TMEM45B: variants seen among roughly 807,000 people sequenced by gnomAD.
TMEM45B encodes the protein transmembrane protein 45B.
Under a neutral mutation model 27.3 loss-of-function variants are expected in TMEM45B, and 29 were observed. That is an observed-to-expected ratio of 1.06 (90% CI 0.79 to 1.45). The LOEUF (loss-of-function observed/expected upper bound fraction) is 1.45. TMEM45B is among the 40% of genes most tolerant of loss of function. The pLI is 0.00. For synonymous variants in TMEM45B, 143 were observed against 134.7 expected (o/e 1.06, Z -0.43); for missense variants, 348 against 343.9 (o/e 1.01, Z -0.09).
At chr11:129,837,781 T>TC (rs1947642289) in intron 1 of TMEM45B, among the ~76,000 whole-genome samples, 2 of 136,688 alleles carry the variant, frequency 1.5e-5, no homozygotes, top group African/African-American at 2.7e-5. Flanking sequence ...TAGTTTCTTT[T>TC]TTTTTTTTTT....
intron 4 of TMEM45B, among the ~76,000 whole-genome samples, chr11:129,856,273 G>A (rs1273943135): frequency 6.6e-6 from 1 of 152,106 alleles, no homozygotes; most frequent in South Asian, 2.1e-4. Flanking sequence ...ATGCAGTGGC[G>A]CAATCTTGGC....
chr11:129,823,147 T>C (rs1228160322), intron 1 of TMEM45B, among the ~76,000 whole-genome samples: 2 of 152,068 alleles, frequency 1.3e-5, no homozygotes, highest in Non-Finnish European at 2.9e-5. Context: ...CCTGGGAAAA[T>C]ATTTTTCTAA....
At chr11:129,837,289 T>C (rs905715472) in intron 1 of TMEM45B, among the ~76,000 whole-genome samples, 1 of 151,956 alleles carries the variant, frequency 6.6e-6, no homozygotes, top group Non-Finnish European at 1.5e-5. Context: ...TTCTTTTTTT[T>C]CTTTTTTTTG....
At chr11:129,824,365 C>T (rs1389559483) in intron 1 of TMEM45B, among the ~76,000 whole-genome samples, 3 of 152,162 alleles carry the variant, frequency 2.0e-5, no homozygotes, top group Non-Finnish European at 2.9e-5. Context: ...ATGTCTGTAT[C>T]TGTTTTAAAA....
intron 1 of TMEM45B, among the ~76,000 whole-genome samples, chr11:129,823,209 T>A (rs955172178): frequency 2.0e-5 from 3 of 152,210 alleles, no homozygotes; most frequent in African/African-American, 7.2e-5. Flanking sequence ...ACCCTCCAAA[T>A]CCATGCAATT....
intron 4 of TMEM45B, among the ~76,000 whole-genome samples, 167 bp downstream of exon 4, chr11:129,856,059 C>T (rs1246329928): frequency 6.6e-6 from 1 of 152,146 alleles, no homozygotes; most frequent in African/African-American, 2.4e-5. Context: ...CCTTTGACTC[C>T]TAGTTTTATC....
chr11:129,842,319 C>G (rs1305591118), intron 1 of TMEM45B, among the ~76,000 whole-genome samples: 1 of 152,106 alleles, frequency 6.6e-6, no homozygotes, highest in Non-Finnish European at 1.5e-5. Flanking sequence ...TCAACCAACA[C>G]TGAATTTAAA....
At chr11:129,841,929 TAAAAG>T (rs1000496200) in intron 1 of TMEM45B, among the ~76,000 whole-genome samples, 1 of 151,958 alleles carries the variant, frequency 6.6e-6, no homozygotes, top group Admixed American at 6.6e-5. Context: ...TTCAAGGAAT[TAAAAG>T]AAAATATGAT....
intron 1 of TMEM45B, among the ~76,000 whole-genome samples, chr11:129,845,657 A>G (rs779374313): frequency 6.6e-6 from 1 of 152,212 alleles, no homozygotes; most frequent in African/African-American, 2.4e-5. Context: ...GCAAAATGAC[A>G]ACTATAAATA....
chr11:129,816,299 C>G (rs997768510), intron 1 of TMEM45B, among the ~76,000 whole-genome samples: 1 of 152,234 alleles, frequency 6.6e-6, no homozygotes, highest in South Asian at 2.1e-4. Flanking sequence ...CCGGTGAGTC[C>G]GGGGACGCGC....
At chr11:129,854,563 T>C in intron 2 of TMEM45B, 47 bp from the exon 3 acceptor site, 1 of 1,590,854 alleles carries the variant, frequency 6.3e-7, no homozygotes, top group Non-Finnish European at 8.6e-7. Context: ...CCTATTTGTC[T>C]TAGAGCTACT....
At chr11:129,821,666 A>G (rs1947421452) in intron 1 of TMEM45B, among the ~76,000 whole-genome samples, 1 of 152,082 alleles carries the variant, frequency 6.6e-6, no homozygotes, top group Non-Finnish European at 1.5e-5. Context: ...ATCAGAAATC[A>G]TTTCCCGTAC....
intron 1 of TMEM45B, among the ~76,000 whole-genome samples, chr11:129,821,320 A>T (rs1289037599): frequency 2.0e-5 from 3 of 152,170 alleles, no homozygotes; most frequent in Admixed American, 1.3e-4. Context: ...CCAGGCCGCC[A>T]TCAAGAAGCA....
chr11:129,822,332 AC>A (rs1244084134), intron 1 of TMEM45B, among the ~76,000 whole-genome samples: 1 of 152,112 alleles, frequency 6.6e-6, no homozygotes, highest in Non-Finnish European at 1.5e-5. Context: ...TTTTAAAGTG[AC>A]GTTTAATGTT....
chr11:129,854,448 C>T (rs371116417), intron 2 of TMEM45B, among the ~76,000 whole-genome samples, 162 bp from the exon 3 acceptor site: 22 of 152,226 alleles, frequency 1.4e-4, no homozygotes, highest in Non-Finnish European at 1.0e-4. Context: ...CTACTTTATA[C>T]TGAAGCAGCT....
At chr11:129,844,126 G>C (rs1473251962) in intron 1 of TMEM45B, among the ~76,000 whole-genome samples, 1 of 152,090 alleles carries the variant, frequency 6.6e-6, no homozygotes, top group Non-Finnish European at 1.5e-5. Context: ...CCTTAAAAAA[G>C]AAGGAAATCC....
rs139168625 is a variant in TMEM45B, at chr11:129,853,401, G to A, written c.178+741G>A. Among the ~76,000 whole-genome samples the A allele has an allele frequency of 1.3e-3, 199 of 152,356 alleles. 2 individuals carry two copies. Among genetic ancestry groups the A allele is most frequent in the East Asian group, 1.5e-3 (8 of 5,188 alleles). On this transcript the variant is annotated intron_variant, in intron 2 of 5. Transcript: ENST00000281441. The stretch of plus-strand genomic sequence containing the variant: ...AGTGGCCTATGGCTTCTTGGAGAGA[G>A]TGAAGCAACATCGCTTCTCTTGGAG...
At chr11:129,820,361 C>T (rs767971964) in intron 1 of TMEM45B, among the ~76,000 whole-genome samples, 3 of 151,958 alleles carry the variant, frequency 2.0e-5, no homozygotes, top group East Asian at 1.9e-4. Context: ...GTTAATAAGG[C>T]GGGGGGAGAA....
intron 1 of TMEM45B, among the ~76,000 whole-genome samples, chr11:129,830,596 C>T (rs1947536181): frequency 1.3e-5 from 2 of 152,058 alleles, no homozygotes; most frequent in Non-Finnish European, 2.9e-5. Flanking sequence ...GATAAGAAAC[C>T]TATATCTAGA....
Sources: gnomAD v4.1 joint callset for allele counts (sites outside exome capture counted in the v4.1 genomes callset) on GRCh38, gnomAD v4.1.1 for gene constraint, MANE v1.5 for transcripts, NCBI Gene and HGNC (gene_info 2026-07-23, HGNC 2026-07-21) for gene names.